The following KIN variants were observed in gnomAD, a reference collection of about 807,000 sequenced individuals.
The protein encoded by KIN is Kin17 DNA and RNA binding protein.
A neutral mutation model predicts 63.0 loss-of-function variants in KIN; 47 were observed. That is an observed-to-expected ratio of 0.75 (90% CI 0.59 to 0.95). The LOEUF is 0.95. KIN is among the 40% of genes least tolerant of loss of function. KIN has a pLI of 0.00. For missense variants in KIN, 408 were observed against 460.9 expected (o/e 0.89, Z 1.05); for synonymous variants, 160 against 157.7 (o/e 1.01, Z -0.11).
chr10:7,774,634 C>G lies in KIN; in HGVS notation c.668+197G>C, dbSNP rs183644273. Among the ~76,000 whole-genome samples the G allele has an allele frequency of 6.9e-3, 1,042 of 151,144 alleles. 11 individuals are homozygous for G. Among genetic ancestry groups the G allele is most frequent in the African/African-American group, 0.024 (1,000 of 41,136 alleles). ...CTTGAGCCCAGGAGTTCGAGGCCAG[C>G]CTGGGCAACATAGCAAGACCCCATC... On this transcript the variant is annotated intron_variant, in intron 7 of 12. Coordinates refer to ENST00000379562, the MANE Select transcript of KIN (RefSeq NM_012311.4).
intron 9 of KIN, among the ~76,000 whole-genome samples, chr10:7,764,056 T>G (rs1045968167): frequency 1.3e-5 from 2 of 152,226 alleles, no homozygotes; most frequent in African/African-American, 4.8e-5. Flanking sequence ...ATTTCTACAT[T>G]GCAGATTTCT....
rs999018937 is a variant in KIN at position 7,756,093 on chromosome 10, G to C, written c.1169C>G (p.Ser390Cys). The C allele has an allele frequency of 5.0e-6, 8 of 1,585,076 alleles. No homozygotes were observed. The highest frequency in any genetic ancestry group is 2.3e-5 in the East Asian group (1 of 44,384). ...RVEGIQYEDI[S>C]KLA ...AAATTTTCAAACTCAGGCAAGTTTA[G>C]AAATGTCTTCATATTGAATTCCTTC... The change falls in exon 13 of 13, where the codon TCT becomes TGT. Residue 390 changes from serine (S) to cysteine (C), a missense_variant. Transcript: ENST00000379562.
rs1474823769 is a variant in KIN at position 7,787,842 on chromosome 10, C to A, written c.92G>T (p.Cys31Phe). The stretch of plus-strand genomic sequence containing the variant: ...CACCTCGTCCCGGCACTGCTTCTGG[C>A]ACATCTGGCAATACCAGCGTAGCTT... ...LQKLRWYCQM[C>F]QKQCRDENGF... Residue 31 changes from cysteine (C) to phenylalanine (F), a missense_variant, in exon 1 of 13, where the codon TGC becomes TTC. Transcript: ENST00000379562. 6 of 1,613,858 alleles carry A rather than the reference C, an allele frequency of 3.7e-6. No individual in the cohort carries two copies. The highest frequency in any genetic ancestry group is 8.5e-7 in the Non-Finnish European group (1 of 1,179,826).
intron 1 of KIN, 102 bp from the exon 2 acceptor site, chr10:7,783,277 A>G: frequency 2.0e-6 from 1 of 509,702 alleles, no homozygotes; most frequent in Non-Finnish European, 3.3e-6. Context: ...CTTTGATGAT[A>G]AATTAAAATA....
chr10:7,785,622 G>A (rs961864263), intron 1 of KIN, among the ~76,000 whole-genome samples: 5 of 151,976 alleles, frequency 3.3e-5, no homozygotes, highest in African/African-American at 7.3e-5. Flanking sequence ...GCAAAACTTC[G>A]CCTCTACCAA....
chr10:7,777,901 C>G (rs1283953271), intron 5 of KIN, among the ~76,000 whole-genome samples: 21 of 149,998 alleles, frequency 1.4e-4, no homozygotes, highest in African/African-American at 4.2e-4. Flanking sequence ...TCCGTCCCCC[C>G]CCCAAAAAAA....
rs188395056 is a variant in KIN, at chr10:7,778,035, C to T, written c.558+803G>A. Among the ~76,000 whole-genome samples the T allele has an allele frequency of 7.2e-4, 110 of 152,274 alleles. 1 individual carries two copies. Among genetic ancestry groups the T allele is most frequent in the African/African-American group, 2.5e-3 (103 of 41,554 alleles). On this transcript the variant is annotated intron_variant, in intron 5 of 12. Transcript: ENST00000379562. ...ATATATGTTGAAATAAATGCCCCAA[C>T]CTAGTTATTCTAACACCTCAGCTCC...
intron 9 of KIN, among the ~76,000 whole-genome samples, chr10:7,765,421 C>T (rs1172359364): frequency 2.1e-5 from 3 of 145,686 alleles, no homozygotes; most frequent in African/African-American, 7.6e-5. Context: ...AGAGCAAGAC[C>T]CTGTCTCTAT....
chr10:7,766,626 T>C (rs927737999), intron 8 of KIN, among the ~76,000 whole-genome samples: 1 of 152,070 alleles, frequency 6.6e-6, no homozygotes, highest in East Asian at 1.9e-4. Context: ...TGGGGCTGTA[T>C]GGCGAAAATA....
At chr10:7,783,622 T>C (rs1835941716) in intron 1 of KIN, among the ~76,000 whole-genome samples, 1 of 152,212 alleles carries the variant, frequency 6.6e-6, no homozygotes, top group South Asian at 2.1e-4. Context: ...TTATCCAAAA[T>C]ACATTGCTGC....
intron 1 of KIN, among the ~76,000 whole-genome samples, chr10:7,785,251 C>CAA (rs200276745): frequency 0.029 from 3,106 of 105,992 alleles, 168 homozygotes; most frequent in East Asian, 0.25. Flanking sequence ...GACCTTGTCT[C>CAA]AAAAAAAAAA....
At chr10:7,778,607 C>G (rs146664116) in intron 5 of KIN, among the ~76,000 whole-genome samples, 1 of 152,008 alleles carries the variant, frequency 6.6e-6, no homozygotes, top group Non-Finnish European at 1.5e-5. Flanking sequence ...GGCGTGGTGG[C>G]GGGCGCCTGT....
chr10:7,774,071 G>A (rs1411521549), intron 7 of KIN, among the ~76,000 whole-genome samples: 1 of 152,202 alleles, frequency 6.6e-6, no homozygotes, highest in Non-Finnish European at 1.5e-5. Context: ...GTTCCTTCCT[G>A]CACTGTCCAT....
chr10:7,758,611 GA>G (rs1315275209), intron 12 of KIN, among the ~76,000 whole-genome samples: 2 of 149,492 alleles, frequency 1.3e-5, no homozygotes, highest in African/African-American at 4.9e-5. Flanking sequence ...ATGAAAACAT[GA>G]AACAGGATCT....
At position 7,780,154 on chromosome 10, in the gene KIN, ATGT is replaced by A; in HGVS notation, c.275_277del (p.Asn92del). 1 of 1,613,940 alleles carries A rather than the reference ATGT, an allele frequency of 6.2e-7. No homozygotes were observed. The highest frequency in any genetic ancestry group is 8.5e-7 in the Non-Finnish European group (1 of 1,179,920). ...GTGGCTGATGTATTCGTTGTAGACA[ATGT>A]TGTTGTGGACCCTTTTAGTGCCTGA... is the stretch of plus-strand genomic sequence containing the variant. On this transcript the variant is annotated inframe_deletion, in exon 4 of 13. Coordinates refer to ENST00000379562, the MANE Select transcript of KIN (RefSeq NM_012311.4).
In KIN at chr10:7,762,476, C is replaced by G; in HGVS notation, c.999G>C (p.Glu333Asp). 6.2e-7 allele frequency: 1 copy of G among 1,608,232 alleles called. No individual in the cohort carries two copies. The highest frequency in any genetic ancestry group is 1.1e-5 in the South Asian group (1 of 90,512). ...ATTTACCTGGTGCTGGAATTACTGT[C>G]TCTAAATGAGTCTGGTCAAGTTTCA... is the stretch of plus-strand genomic sequence containing the variant. ...DKLKLDQTHL[E>D]TVIPAPGKRI... The change falls in exon 11 of 13, where the codon GAG becomes GAC. Residue 333 changes from glutamate to aspartate, a missense_variant. Glu to Asp is a conservative substitution (Grantham distance 45). Around this residue, in one of 2 missense-constraint regions of KIN, gnomAD observed 298 missense variants for 296.0 expected, o/e 1.01. Transcript: ENST00000379562.
Position 7,754,033 on chromosome 10 carries a change from TAGA to T in KIN, c.*2044_*2046del, listed in dbSNP as rs1270348181. On this transcript the variant is annotated 3_prime_UTR_variant, in exon 13 of 13. Transcript: ENST00000379562. The stretch of plus-strand genomic sequence containing the variant: ...GGTCTGTTTTTTGTTTGAACTCTTG[TAGA>T]AGATCAACTCAGGCAAGGCGTGGTA... 1.3e-5 allele frequency: 6 copies of T among 455,900 alleles called. No homozygotes were observed. Among genetic ancestry groups the T allele is most frequent in the Non-Finnish European group, 2.6e-5 (6 of 226,794 alleles). 28.2% of individuals were successfully genotyped at this position (455,900 alleles called of 1,614,324 possible).
chr10:7,762,457 C>G lies in KIN; in HGVS notation c.1018G>C (p.Gly340Arg). ...THLETVIPAP[G>R]KRILVLNGGY... ...TTAAATGGTCTGCAAACAGATTTAC[C>G]TGGTGCTGGAATTACTGTCTCTAAA... Residue 340 changes from glycine (G) to arginine (R), a missense_variant and splice_region_variant, in exon 11 of 13, where the codon GGA (glycine) becomes CGA (arginine). Gly to Arg is a moderately radical substitution (Grantham distance 125). Transcript: ENST00000379562. 6.3e-7 allele frequency: 1 copy of G among 1,586,170 alleles called. No homozygotes were observed. Among genetic ancestry groups the G allele is most frequent in the Non-Finnish European group, 8.6e-7 (1 of 1,158,344 alleles).
At chr10:7,783,967 A>G (rs562089608) in intron 1 of KIN, among the ~76,000 whole-genome samples, 6 of 152,286 alleles carry the variant, frequency 3.9e-5, no homozygotes, top group South Asian at 4.1e-4. Flanking sequence ...TTTTGCTTCA[A>G]ATAGTTTCCT....
Sources: allele counts gnomAD v4.1 joint callset (sites outside exome capture counted in the v4.1 genomes callset), GRCh38; gene constraint gnomAD v4.1.1; regional missense constraint gnomAD v4.1.1; transcripts MANE v1.5; gene names NCBI Gene and HGNC (gene_info 2026-07-23, HGNC 2026-07-21).